Variants in ZNF587 observed in about 807,000 individuals in gnomAD.
The protein encoded by ZNF587 is zinc finger protein zfp6.
Under a neutral mutation model 7.5 loss-of-function variants are expected in ZNF587, and 8 were observed. The ratio of observed to expected loss-of-function variants is 1.06; its 90% confidence interval spans 0.62 to 1.92. ZNF587 has a LOEUF of 1.92. Among genes scored for constraint, ZNF587 ranks in the 40% most tolerant of loss-of-function variants. The probability of loss-of-function intolerance (pLI) is 0.00; values close to 1 mark genes in which losing one functional copy is unlikely to be tolerated. For synonymous variants in ZNF587, 145 were observed against 237.8 expected (o/e 0.61, Z 3.59); for missense variants, 468 against 692.8 (o/e 0.68, Z 3.64).
chr19:57,853,227 TAGC>T (rs2071305452), intron 1 of ZNF587, among the ~76,000 whole-genome samples: 1 of 152,220 alleles, frequency 6.6e-6, no homozygotes, highest in South Asian at 2.1e-4. Context: ...TTTTTGATCT[TAGC>T]AGCTGTAACC....
intron 1 of ZNF587, 97 bp downstream of exon 1, chr19:57,850,168 T>C: frequency 2.5e-6 from 4 of 1,609,986 alleles, no homozygotes; most frequent in Non-Finnish European, 3.4e-6. Context: ...CTGTAGCCGG[T>C]ACCCGGCGTA....
intron 1 of ZNF587, among the ~76,000 whole-genome samples, chr19:57,854,836 T>C (rs183726885): frequency 1.8e-4 from 27 of 151,618 alleles, no homozygotes; most frequent in Admixed American, 1.7e-3. Flanking sequence ...AGACCAGAAA[T>C]TCAAGACCAG....
Position 57,854,319 on chromosome 19 carries a change from G to A in ZNF587, c.34-1785G>A, listed in dbSNP as rs570841624. Among the ~76,000 whole-genome samples the A allele has an allele frequency of 2.0e-4, 31 of 151,898 alleles. No homozygotes were observed. In the South Asian group the frequency reaches 6.2e-3, roughly 30 times the overall value. ...TATCTGAAGCCATATGTGGTTCTGTGTGGCTATGGAGTCATTCCAGGAGAC... is the reference window on the plus strand; with the variant it reads ...TATCTGAAGCCATATGTGGTTCTGTATGGCTATGGAGTCATTCCAGGAGAC... On this transcript the variant is annotated intron_variant, in intron 1 of 2. Transcript: ENST00000339656.
intron 1 of ZNF587, 71 bp from the exon 2 acceptor site, chr19:57,856,033 G>C: frequency 6.3e-7 from 1 of 1,597,832 alleles, no homozygotes; most frequent in Non-Finnish European, 8.5e-7. Flanking sequence ...GCAAGGGTGG[G>C]TGTGTGGGAG....
chr19:57,857,614 G>GTATATATATA (rs148150934), intron 2 of ZNF587, among the ~76,000 whole-genome samples: 6 of 150,762 alleles, frequency 4.0e-5, no homozygotes, highest in African/African-American at 1.5e-4. Context: ...GTGTGTATGT[G>GTATATATATA]TATATATATA....
chr19:57,852,999 T>C (rs1238069027), intron 1 of ZNF587, among the ~76,000 whole-genome samples: 1 of 151,250 alleles, frequency 6.6e-6, no homozygotes, highest in East Asian at 1.9e-4. Context: ...ATTACAGGCA[T>C]GTACCACCAC....
chr19:57,862,962 T>C lies in ZNF587; in HGVS notation c.*2822T>C, dbSNP rs1255394423. 2 of 154,784 alleles carry C rather than the reference T, an allele frequency of 1.3e-5. No homozygotes were observed. The highest frequency in any genetic ancestry group is 2.4e-5 in the African/African-American group (1 of 41,628). The allele number at this position is 154,784 out of a possible 1,614,324, so 9.6% of individuals were successfully genotyped here. A position where few individuals can be genotyped will look rare whatever the true frequency, so the allele number is the denominator to read the frequency against. On this transcript the variant is annotated 3_prime_UTR_variant, in exon 3 of 3. Transcript: ENST00000339656. ...AAGCAAAGTTATTGAGTGGACACTT[T>C]GTGTTTTTTTTGAGAAGTCTCACTC...
At chr19:57,851,481 T>C (rs1204082310) in intron 1 of ZNF587, 1 of 152,348 alleles carries the variant, frequency 6.6e-6, no homozygotes, top group Non-Finnish European at 1.5e-5. Flanking sequence ...TTCACTGTCA[T>C]AATTTCGTCA....
rs1013528817 is a variant in ZNF587 at position 57,859,259 on chromosome 19, C to G, written c.847C>G (p.Leu283Val). ...CGKSYSRKSS[L>V]IQHQRVHTGQ... is the part of the protein sequence containing the mutation. ...GAAATCTTATAGTCGAAAGAGCAGC[C>G]TTATTCAACATCAGCGAGTCCACAC... The change falls in exon 3 of 3, where the codon CTT (leucine) becomes GTT (valine). Residue 283 changes from leucine (L) to valine (V), a missense_variant. By Grantham distance (32) the Leu-to-Val change is conservative. Transcript: ENST00000339656. The G allele has an allele frequency of 1.3e-6, 2 of 1,597,888 alleles. No homozygotes were observed. Among genetic ancestry groups the G allele is most frequent in the Non-Finnish European group, 1.7e-6 (2 of 1,172,704 alleles).
intron 1 of ZNF587, 33 bp from the exon 2 acceptor site, chr19:57,856,071 G>A (rs1440005061): frequency 6.2e-7 from 1 of 1,612,030 alleles, no homozygotes; most frequent in African/African-American, 1.3e-5. Flanking sequence ...TCAGCAGAGG[G>A]GCTGCTTGTG....
In ZNF587 at chr19:57,860,247, C is replaced by CA. The variant is rs2122356984; in HGVS notation, c.*108dup. 1 of 1,591,346 alleles carries CA rather than the reference C, an allele frequency of 6.3e-7. No individual in the cohort carries two copies. Among genetic ancestry groups the CA allele is most frequent in the East Asian group, 2.2e-5 (1 of 44,666 alleles). On this transcript the variant is annotated 3_prime_UTR_variant, in exon 3 of 3. Coordinates refer to ENST00000339656, the MANE Select transcript of ZNF587 (RefSeq NM_032828.4). ...TGAGTGCTGTCAATGTGGAAAACAT[C>CA]AGAATGTCTGCTGTCCTCGGTCTTA...
chr19:57,856,409 G>GTT (rs113480202), intron 2 of ZNF587, among the ~76,000 whole-genome samples, 176 bp downstream of exon 2: 19 of 141,412 alleles, frequency 1.3e-4, no homozygotes, highest in Non-Finnish European at 1.9e-4. Context: ...TTCCTCTCCT[G>GTT]TTTTTTTTTT....
intron 1 of ZNF587, 28 bp downstream of exon 1, chr19:57,850,099 G>A (rs373907556): frequency 1.1e-5 from 18 of 1,614,130 alleles, no homozygotes; most frequent in Non-Finnish European, 1.5e-5. Context: ...TGTGCCCTCA[G>A]GTCACCCCAT....
rs1361833018 is a variant in ZNF587, at chr19:57,860,008, T to G, written c.1596T>G (p.Cys532Trp). Residue 532 changes from cysteine to tryptophan, a missense_variant, in exon 3 of 3, where the codon TGT becomes TGG. Physicochemically the swap from Cys to Trp is radical, Grantham distance 215 (BLOSUM62 -2). Around this residue, in one of 5 missense-constraint regions of ZNF587, gnomAD observed 310 missense variants for 325.6 expected, o/e 0.95. Transcript: ENST00000339656. The stretch of plus-strand genomic sequence containing the variant: ...AATGTGGAAAATCCTTTTCTGAATG[T>G]TCCAGTCTCATTAAACACAGGAGAA... ...CSECGKSFSE[C>W]SSLIKHRRIH... is the part of the protein sequence containing the mutation. The G allele has an allele frequency of 6.2e-7, 1 of 1,613,758 alleles. No homozygotes were observed. The highest frequency in any genetic ancestry group is 1.7e-5 in the Admixed American group (1 of 59,996).
rs1038372362 is a variant in ZNF587, at chr19:57,864,942, A to T, written c.*4802A>T. 6.6e-6 allele frequency: 1 copy of T among 152,198 alleles called. No homozygotes were observed. Among genetic ancestry groups the T allele is most frequent in the African/African-American group, 2.4e-5 (1 of 41,452 alleles). The allele number at this position is 152,198 out of a possible 1,614,324, so 9.4% of individuals were successfully genotyped here. A position where few individuals can be genotyped will look rare whatever the true frequency, so the allele number is the denominator to read the frequency against. On this transcript the variant is annotated 3_prime_UTR_variant, in exon 3 of 3. Transcript: ENST00000339656. ...ATCCTGCCTCAAAAAAAACAAAAAA[A>T]TTCTTTATTTTCTCCATAAACTACA... is the stretch of plus-strand genomic sequence containing the variant.
chr19:57,863,456 T>G lies in ZNF587; in HGVS notation c.*3316T>G, dbSNP rs372889374. The stretch of plus-strand genomic sequence containing the variant: ...AGTAGAGACGGGGTTTTACTGTATT[T>G]GCCAGGATGGTCTCGATCTCCAGAC... On this transcript the variant is annotated 3_prime_UTR_variant, in exon 3 of 3. Coordinates refer to ENST00000339656, the MANE Select transcript of ZNF587 (RefSeq NM_032828.4). 1 of 151,984 alleles carries G rather than the reference T, an allele frequency of 6.6e-6. No homozygotes were observed. Among genetic ancestry groups the G allele is most frequent in the African/African-American group, 2.4e-5 (1 of 41,370 alleles). The allele number at this position is 151,984 out of a possible 1,614,324, so 9.4% of individuals were successfully genotyped here. A position where few individuals can be genotyped will look rare whatever the true frequency, so the allele number is the denominator to read the frequency against.
chr19:57,860,161 C>T lies in ZNF587; in HGVS notation c.*21C>T, dbSNP rs372997893. The T allele has an allele frequency of 1.8e-5, 29 of 1,613,930 alleles. No individual in the cohort carries two copies. Among genetic ancestry groups the T allele is most frequent in the East Asian group, 4.5e-5 (2 of 44,886 alleles). ...TATGAGTGCAGTGAATATGGGAAAT[C>T]GTTTGCTGAAGCATCCCGTCTCGTT... On this transcript the variant is annotated 3_prime_UTR_variant, in exon 3 of 3. Coordinates refer to ENST00000339656, the MANE Select transcript of ZNF587 (RefSeq NM_032828.4).
rs572566791 is a variant in ZNF587 at position 57,858,337 on chromosome 19, T to C, written c.164-239T>C. 7.3e-4 allele frequency: 482 copies of C among 660,620 alleles called. 4 individuals are homozygous for C. The African/African-American group carries it at 8.3e-3, about 11-fold the overall frequency. The allele number at this position is 660,620 out of a possible 1,614,324, so 40.9% of individuals were successfully genotyped here. A position where few individuals can be genotyped will look rare whatever the true frequency, so the allele number is the denominator to read the frequency against. On this transcript the variant is annotated intron_variant, in intron 2 of 2. Coordinates refer to ENST00000339656, the MANE Select transcript of ZNF587 (RefSeq NM_032828.4). ...AGATGGGGTTTCACCATGTTGTTCA[T>C]GCTGGTCTTGAACTTCTGACCTCAG...
Position 57,860,889 on chromosome 19 carries a change from ACT to A in ZNF587, c.*752_*753del, listed in dbSNP as rs1320360971. ...CAACTCTTTTTTGAGACAGAGTCTC[ACT>A]CTGTCACCCAGGCGGGAGTTAGGTG... On this transcript the variant is annotated 3_prime_UTR_variant, in exon 3 of 3. Coordinates refer to ENST00000339656, the MANE Select transcript of ZNF587 (RefSeq NM_032828.4). The A allele has an allele frequency of 6.6e-6, 1 of 151,694 alleles. No individual in the cohort carries two copies. The highest frequency in any genetic ancestry group is 1.5e-5 in the Non-Finnish European group (1 of 67,928). 9.4% of individuals were successfully genotyped at this position (151,694 alleles called of 1,614,324 possible).
Sources: allele counts gnomAD v4.1 joint callset (sites outside exome capture counted in the v4.1 genomes callset), GRCh38; gene constraint gnomAD v4.1.1; regional missense constraint gnomAD v4.1.1; transcripts MANE v1.5; gene names NCBI Gene and HGNC (gene_info 2026-07-23, HGNC 2026-07-21).